The following HMCN1 variants were observed in gnomAD, a reference collection of about 807,000 sequenced individuals.
The protein encoded by HMCN1 is hemicentin-1.
In HMCN1, 321 loss-of-function variants were observed where a neutral mutation model predicts 625.9. That is an observed-to-expected ratio of 0.51 (90% CI 0.47 to 0.56). HMCN1 has a LOEUF of 0.56. Ranked by LOEUF, HMCN1 falls within the 20% of genes least tolerant of loss-of-function variation. The pLI, the probability that HMCN1 is intolerant of heterozygous loss-of-function variation, is 0.00. For missense variants in HMCN1, 6,588 were observed against 6,887.3 expected, an observed-to-expected ratio of 0.96 and a Z score of 1.54; for synonymous variants, 2,425 against 2,417.6, an observed-to-expected ratio of 1.00 and a Z score of -0.09.
rs112190914 is a variant in HMCN1, at chr1:186,145,183, G to T, written c.14267-220G>T. Among the ~76,000 whole-genome samples, 404 of 152,356 alleles carry T rather than the reference G, an allele frequency of 2.7e-3. 2 individuals carry two copies. The highest frequency in any genetic ancestry group is 9.1e-3 in the African/African-American group (380 of 41,578). Reference sequence around the variant, plus strand: ...ATATTTTAAGACTCAATAAATGTATGTTAAATTGAATCACACAAATACAGG... The same window carrying T: ...ATATTTTAAGACTCAATAAATGTATTTTAAATTGAATCACACAAATACAGG... On this transcript the variant is annotated intron_variant, in intron 91 of 106. Transcript: ENST00000271588.
Position 186,137,718 on chromosome 1 carries a change from T to C in HMCN1, c.13753+50T>C, listed in dbSNP as rs772977661. On this transcript the variant is annotated intron_variant, in intron 88 of 106. Coordinates refer to ENST00000271588, the MANE Select transcript of HMCN1 (RefSeq NM_031935.3). ...GGCATGTGTTTAATAGACCTTCATT[T>C]CTGTCTTCTACCTATGGATTGCCCC... 1.9e-6 allele frequency: 3 copies of C among 1,613,900 alleles called. No individual in the cohort carries two copies. The East Asian group carries it at 6.7e-5, about 36-fold the overall frequency.
At chr1:185,981,155 C>G (rs1651605433) in intron 17 of HMCN1, 82 bp downstream of exon 17, 1 of 859,020 alleles carries the variant, frequency 1.2e-6, no homozygotes, top group East Asian at 2.4e-5. Flanking sequence ...GCCTGTGCCA[C>G]TTAAAAAAAA....
At chr1:185,789,126 C>A (rs1202770236) in intron 1 of HMCN1, among the ~76,000 whole-genome samples, 1 of 152,078 alleles carries the variant, frequency 6.6e-6, no homozygotes, top group Non-Finnish European at 1.5e-5. Context: ...ATCTATAAAG[C>A]AATAAAAAAG....
At chr1:186,103,984 A>G (rs1660499059) in intron 69 of HMCN1, among the ~76,000 whole-genome samples, 1 of 152,206 alleles carries the variant, frequency 6.6e-6, no homozygotes, top group South Asian at 2.1e-4. Flanking sequence ...AACTGGCAAA[A>G]AGCAATCCAA....
rs2102578467 is a variant in HMCN1 at position 186,152,819 on chromosome 1, T to C, written c.14966T>C (p.Val4989Ala). ...DSDGSLLLDIVVSGYVLQLQS... is the reference protein window; with the variant it reads ...DSDGSLLLDIAVSGYVLQLQS... The stretch of plus-strand genomic sequence containing the variant: ...GATGGTTCTTTGCTGCTAGATATCG[T>C]TGTGAGTGGCTATGTCCTACAGCTT... The change falls in exon 96 of 107, where the codon GTT becomes GCT. Residue 4989 changes from valine to alanine, a missense_variant. Val to Ala is a moderately conservative substitution (Grantham distance 64). Coordinates refer to ENST00000271588, the MANE Select transcript of HMCN1 (RefSeq NM_031935.3). 1 of 1,614,034 alleles carries C rather than the reference T, an allele frequency of 6.2e-7. No individual in the cohort carries two copies. The highest frequency in any genetic ancestry group is 8.5e-7 in the Non-Finnish European group (1 of 1,179,916).
chr1:186,066,385 G>T (rs1003156146), intron 49 of HMCN1, among the ~76,000 whole-genome samples: 1 of 152,074 alleles, frequency 6.6e-6, no homozygotes, highest in Non-Finnish European at 1.5e-5. Context: ...CTATTTAAGT[G>T]CATGTGTTTG....
intron 4 of HMCN1, among the ~76,000 whole-genome samples, chr1:185,893,893 A>G (rs1043228750): frequency 6.6e-6 from 1 of 152,190 alleles, no homozygotes; most frequent in Non-Finnish European, 1.5e-5. Context: ...GAAACAGTAC[A>G]TTACCAGGAC....
intron 68 of HMCN1, among the ~76,000 whole-genome samples, chr1:186,100,467 G>A (rs941225919): frequency 6.6e-6 from 1 of 152,014 alleles, no homozygotes; most frequent in African/African-American, 2.4e-5. Flanking sequence ...GAAAACAAGG[G>A]ACAGCATATT....
At chr1:186,023,174 T>G (rs752966532) in intron 36 of HMCN1, 21 bp downstream of exon 36, 3 of 1,605,680 alleles carry the variant, frequency 1.9e-6, no homozygotes, top group Non-Finnish European at 2.6e-6. Flanking sequence ...TTCTACACCT[T>G]AACAAAAGAA....
At position 186,123,070 on chromosome 1, in the gene HMCN1, C is replaced by A; in HGVS notation, c.12349C>A (p.Arg4117Ser). 1 of 1,614,086 alleles carries A rather than the reference C, an allele frequency of 6.2e-7. No individual in the cohort carries two copies. The highest frequency in any genetic ancestry group is 8.5e-7 in the Non-Finnish European group (1 of 1,179,996). Residue 4117 changes from arginine (R) to serine (S), a missense_variant, in exon 81 of 107, where the codon CGT becomes AGT. Around this residue, in one of 3 missense-constraint regions of HMCN1, gnomAD observed 1,954 missense variants for 2,013.1 expected, o/e 0.97. Coordinates refer to ENST00000271588, the MANE Select transcript of HMCN1 (RefSeq NM_031935.3). ...TGACATTACATGGCATAAAGATGGGCGTGCAATTGTGGAATCTATCCGCCA... is the reference window on the plus strand; with the variant it reads ...TGACATTACATGGCATAAAGATGGGAGTGCAATTGTGGAATCTATCCGCCA... The part of the protein sequence containing the change: ...PPDITWHKDG[R>S]AIVESIRQRV...
chr1:185,788,198 C>A (rs1175603393), intron 1 of HMCN1, among the ~76,000 whole-genome samples: 1 of 152,180 alleles, frequency 6.6e-6, no homozygotes, highest in Admixed American at 6.5e-5. Flanking sequence ...TGGCATTTCT[C>A]TTATGCCAGT....
chr1:185,767,214 G>A (rs1655934176), intron 1 of HMCN1, among the ~76,000 whole-genome samples: 1 of 152,048 alleles, frequency 6.6e-6, no homozygotes, highest in Non-Finnish European at 1.5e-5. Context: ...GTAATTTAAA[G>A]TACAGTAAAC....
chr1:185,855,342 G>A (rs1662400148), intron 2 of HMCN1, among the ~76,000 whole-genome samples: 1 of 152,262 alleles, frequency 6.6e-6, no homozygotes, highest in African/African-American at 2.4e-5. Context: ...CTGAGAAGAG[G>A]ATGGTTACTG....
Position 186,017,082 on chromosome 1 carries a change from T to G in HMCN1, c.5300+11T>G. ...CCCACCAACTATCATGTAAGGGTTT[T>G]GGTATGTCTTCTAAATACCTCCTGC... is the stretch of plus-strand genomic sequence containing the variant. On this transcript the variant is annotated intron_variant, in intron 33 of 106. Coordinates refer to ENST00000271588, the MANE Select transcript of HMCN1 (RefSeq NM_031935.3). 1 of 1,422,970 alleles carries G rather than the reference T, an allele frequency of 7.0e-7. No homozygotes were observed. Among genetic ancestry groups the G allele is most frequent in the Non-Finnish European group, 9.9e-7 (1 of 1,005,948 alleles). 88.1% of individuals were successfully genotyped at this position (1,422,970 alleles called of 1,614,324 possible). A position where few individuals can be genotyped will look rare whatever the true frequency, so the allele number is the denominator to read the frequency against.
chr1:186,093,675 C>A lies in HMCN1; in HGVS notation c.10196+6C>A, dbSNP rs1405069544. 6.2e-7 allele frequency: 1 copy of A among 1,613,124 alleles called. No homozygotes were observed. The highest frequency in any genetic ancestry group is 8.5e-7 in the Non-Finnish European group (1 of 1,179,418). Reference sequence around the variant, plus strand: ...GCAGCAGGACAAGTTATCAGGTCAGCTTTTATTGTGTCTGATTTCCTAAAC... The same window carrying A: ...GCAGCAGGACAAGTTATCAGGTCAGATTTTATTGTGTCTGATTTCCTAAAC... On this transcript the variant is annotated splice_donor_region_variant and intron_variant, in intron 66 of 106. Coordinates refer to ENST00000271588, the MANE Select transcript of HMCN1 (RefSeq NM_031935.3).
chr1:185,827,384 A>G (rs927386502), intron 1 of HMCN1, among the ~76,000 whole-genome samples: 2 of 152,124 alleles, frequency 1.3e-5, no homozygotes, highest in Non-Finnish European at 2.9e-5. Context: ...ATGAATGCCA[A>G]TAAAAAATAA....
intron 93 of HMCN1, among the ~76,000 whole-genome samples, chr1:186,150,087 A>G (rs1650573663): frequency 6.6e-6 from 1 of 152,148 alleles, no homozygotes; most frequent in Non-Finnish European, 1.5e-5. Context: ...CAAAAATGGT[A>G]CCGGTAGACT....
At chr1:186,026,440 T>A (rs913812906) in intron 36 of HMCN1, among the ~76,000 whole-genome samples, 1 of 152,154 alleles carries the variant, frequency 6.6e-6, no homozygotes, top group Non-Finnish European at 1.5e-5. Flanking sequence ...AGTTACAGTA[T>A]AAGGAACAAG....
intron 4 of HMCN1, among the ~76,000 whole-genome samples, chr1:185,867,098 C>A (rs1340409288): frequency 6.6e-6 from 1 of 152,096 alleles, no homozygotes; most frequent in Non-Finnish European, 1.5e-5. Flanking sequence ...TTACAAATTT[C>A]TAGAGCAAAG....
Sources: allele counts gnomAD v4.1 joint callset (sites outside exome capture counted in the v4.1 genomes callset), GRCh38; gene constraint gnomAD v4.1.1; regional missense constraint gnomAD v4.1.1; transcripts MANE v1.5; gene names NCBI Gene and HGNC (gene_info 2026-07-23, HGNC 2026-07-21).